The following DPY19L2 variants were observed in gnomAD, a reference collection of about 807,000 sequenced individuals.
DPY19L2 encodes the protein probable C-mannosyltransferase DPY19L2.
Under a neutral mutation model 97.9 loss-of-function variants are expected in DPY19L2, and 34 were observed. The ratio of observed to expected loss-of-function variants is 0.35; its 90% CI spans 0.26 to 0.46. The LOEUF (loss-of-function observed/expected upper bound fraction) is 0.46. DPY19L2 is among the 20% of genes least tolerant of loss of function. DPY19L2 has a pLI of 1.00. For missense variants in DPY19L2, 623 were observed against 911.4 expected, an observed-to-expected ratio of 0.68 and a Z score of 4.07; for synonymous variants, 230 against 307.9, an observed-to-expected ratio of 0.75 and a Z score of 2.65.
intron 3 of DPY19L2, among the ~76,000 whole-genome samples, chr12:63,662,504 A>C (rs1895811028): frequency 6.6e-6 from 1 of 152,076 alleles, no homozygotes; most frequent in Non-Finnish European, 1.5e-5. Flanking sequence ...ATATATAAAA[A>C]GTTACTAATA....
chr12:63,668,344 C>A lies in DPY19L2; in HGVS notation c.50G>T (p.Ser17Ile), dbSNP rs11552167. ...SSKRLQSSGR[S>I]QSKGRRGASL... ...GGCCCCGCGCCGCCCCTTAGACTGG[C>A]TGCGGCCGGAAGATTGCAGCCGCTT... The change falls in exon 1 of 22, where the codon AGC becomes ATC. Residue 17 changes from serine to isoleucine, a missense_variant. Physicochemically the swap from Ser to Ile is moderately radical, Grantham distance 142. Coordinates refer to ENST00000324472, the MANE Select transcript of DPY19L2 (RefSeq NM_173812.5). 2 of 1,613,602 alleles carry A rather than the reference C, an allele frequency of 1.2e-6. No homozygotes were observed. The highest frequency in any genetic ancestry group is 1.7e-6 in the Non-Finnish European group (2 of 1,179,870).
In DPY19L2 at chr12:63,597,885, G is replaced by T; in HGVS notation, c.1385C>A (p.Ala462Asp). The change falls in exon 14 of 22, where the codon GCC (alanine) becomes GAC (aspartate). Residue 462 changes from alanine to aspartate, a missense_variant. This residue lies in a region of DPY19L2 where 294 missense variants were observed against 446.2 expected (regional missense o/e 0.66). Coordinates refer to ENST00000324472, the MANE Select transcript of DPY19L2 (RefSeq NM_173812.5). ...DHIRLSDLIA[A>D]RILRYTDFDT... ...AAAATCTGTATACCTTAAGATTCTG[G>T]CTGCTATAAGATCACTCAGGCGAAT... 5 of 1,600,206 alleles carry T rather than the reference G, an allele frequency of 3.1e-6. No individual in the cohort carries two copies. Among genetic ancestry groups the T allele is most frequent in the Non-Finnish European group, 4.3e-6 (5 of 1,175,806 alleles).
chr12:63,596,386 C>T (rs1175479685), intron 14 of DPY19L2, among the ~76,000 whole-genome samples: 2 of 152,064 alleles, frequency 1.3e-5, no homozygotes, highest in African/African-American at 4.8e-5. Flanking sequence ...TTCTGTACTA[C>T]ACAGCTCCAT....
chr12:63,653,547 C>T (rs1592741505), intron 4 of DPY19L2, among the ~76,000 whole-genome samples: 1 of 150,926 alleles, frequency 6.6e-6, no homozygotes, highest in Non-Finnish European at 1.5e-5. Flanking sequence ...GATCCTGTCT[C>T]AAAATAAATA....
Position 63,560,423 on chromosome 12 carries a change from G to A in DPY19L2, c.*89C>T, listed in dbSNP as rs1876242829. On this transcript the variant is annotated 3_prime_UTR_variant, in exon 22 of 22. Transcript: ENST00000324472. Reference sequence around the variant, plus strand: ...TTATTTTTAAGTGTCTGTTATTAAAGCTTGTGATTTTTATTAATGTGAATA... The same window carrying A: ...TTATTTTTAAGTGTCTGTTATTAAAACTTGTGATTTTTATTAATGTGAATA... 20 of 1,404,316 alleles carry A rather than the reference G, an allele frequency of 1.4e-5. 2 individuals carry two copies. Among genetic ancestry groups the A allele is most frequent in the Non-Finnish European group, 1.9e-5 (20 of 1,055,654 alleles). The allele number at this position is 1,404,316 out of a possible 1,614,324, so 87.0% of individuals were successfully genotyped here. A position where few individuals can be genotyped will look rare whatever the true frequency, so the allele number is the denominator to read the frequency against.
intron 6 of DPY19L2, among the ~76,000 whole-genome samples, chr12:63,634,255 G>C (rs182446336): frequency 2.0e-4 from 30 of 152,112 alleles, no homozygotes; most frequent in Admixed American, 1.4e-3. Flanking sequence ...AAATAATAAT[G>C]ATGGCAGCTG....
chr12:63,621,168 C>A, intron 9 of DPY19L2, 70 bp downstream of exon 9: 2 of 1,185,500 alleles, frequency 1.7e-6, no homozygotes, highest in Non-Finnish European at 2.4e-6. Flanking sequence ...ACATAACAAA[C>A]CTGTACATCC....
chr12:63,561,969 A>G (rs1876616381), intron 21 of DPY19L2, among the ~76,000 whole-genome samples: 1 of 152,182 alleles, frequency 6.6e-6, no homozygotes, highest in Non-Finnish European at 1.5e-5. Flanking sequence ...TAGTATGGTT[A>G]TGGATGATTC....
intron 21 of DPY19L2, among the ~76,000 whole-genome samples, chr12:63,563,857 T>A (rs2137247317): frequency 6.6e-6 from 1 of 152,300 alleles, no homozygotes; most frequent in Middle Eastern, 3.4e-3. Flanking sequence ...AAGATATCTG[T>A]CTTGAAGTTT....
intron 16 of DPY19L2, among the ~76,000 whole-genome samples, chr12:63,592,704 A>G (rs1883337950): frequency 6.7e-6 from 1 of 148,674 alleles, no homozygotes; most frequent in Non-Finnish European, 1.5e-5. Flanking sequence ...AAACCTAGGC[A>G]TTACCATTCA....
chr12:63,629,508 T>C (rs1890193545), intron 6 of DPY19L2, among the ~76,000 whole-genome samples: 1 of 151,694 alleles, frequency 6.6e-6, no homozygotes, highest in South Asian at 2.1e-4. Flanking sequence ...AGAGGAGAAG[T>C]TTAGAGTAAA....
At chr12:63,632,415 C>A (rs1040210026) in intron 6 of DPY19L2, among the ~76,000 whole-genome samples, 3 of 152,116 alleles carry the variant, frequency 2.0e-5, no homozygotes, top group African/African-American at 4.8e-5. Context: ...TTCCTATACA[C>A]CACTAATAGA....
chr12:63,606,765 G>C (rs1162103074), intron 12 of DPY19L2, among the ~76,000 whole-genome samples: 1 of 152,056 alleles, frequency 6.6e-6, no homozygotes, highest in Non-Finnish European at 1.5e-5. Flanking sequence ...TTATCTTGGA[G>C]GTTCCATTTC....
chr12:63,661,566 T>C (rs1172606731), intron 3 of DPY19L2, 85 bp from the exon 4 acceptor site: 7 of 762,380 alleles, frequency 9.2e-6, no homozygotes, highest in Non-Finnish European at 1.2e-5. Context: ...ACTTTTTTTC[T>C]GAAAAAAAAA....
intron 21 of DPY19L2, among the ~76,000 whole-genome samples, chr12:63,565,913 A>T (rs1197308388): frequency 2.6e-5 from 4 of 152,098 alleles, no homozygotes; most frequent in African/African-American, 9.7e-5. Context: ...TCCTGTACTG[A>T]ACTATTTTGC....
chr12:63,635,162 C>T (rs189428399), intron 6 of DPY19L2, among the ~76,000 whole-genome samples: 8 of 152,146 alleles, frequency 5.3e-5, no homozygotes, highest in African/African-American at 4.8e-5. Flanking sequence ...CTGATACCAA[C>T]GCAAACAGGG....
At chr12:63,609,810 G>A (rs1352803516) in intron 11 of DPY19L2, among the ~76,000 whole-genome samples, 2 of 152,058 alleles carry the variant, frequency 1.3e-5, no homozygotes, top group African/African-American at 4.8e-5. Context: ...CTGAATTCTC[G>A]GACTTGCGTA....
At chr12:63,574,125 G>A (rs1592397191) in intron 19 of DPY19L2, among the ~76,000 whole-genome samples, 2 of 152,114 alleles carry the variant, frequency 1.3e-5, no homozygotes. Flanking sequence ...CTTTTCAAGA[G>A]ACAGTACAAT....
intron 6 of DPY19L2, among the ~76,000 whole-genome samples, chr12:63,637,364 C>A (rs1446072368): frequency 1.3e-5 from 2 of 151,406 alleles, no homozygotes; most frequent in African/African-American, 4.8e-5. Flanking sequence ...CCTAACATCA[C>A]AATTAAAAGA....
Sources: gnomAD v4.1 joint callset for allele counts (sites outside exome capture counted in the v4.1 genomes callset) on GRCh38, gnomAD v4.1.1 for gene constraint, gnomAD v4.1.1 regional missense constraint, MANE v1.5 for transcripts, NCBI Gene and HGNC (gene_info 2026-07-23, HGNC 2026-07-21) for gene names.